Variants in FSTL4 observed in about 807,000 individuals in gnomAD.
FSTL4 encodes follistatin-related protein 4.
FSTL4 carries 28 observed loss-of-function variants against 78.2 expected under a neutral mutation model. The ratio of observed to expected loss-of-function variants is 0.36; its 90% CI spans 0.27 to 0.49. The LOEUF is 0.49. Among genes scored for constraint, FSTL4 ranks in the 20% least tolerant of loss-of-function variants. FSTL4 has a pLI of 0.98. For missense variants in FSTL4, 922 were observed against 1,084.9 expected, an observed-to-expected ratio of 0.85 and a Z score of 2.11; for synonymous variants, 422 against 440.5, an observed-to-expected ratio of 0.96 and a Z score of 0.53.
intron 6 of FSTL4, among the ~76,000 whole-genome samples, chr5:133,302,267 T>C (rs1753560751): frequency 6.6e-6 from 1 of 152,030 alleles, no homozygotes; most frequent in Admixed American, 6.5e-5. Flanking sequence ...TGCTCCTCCA[T>C]CCACGGGGAA....
chr5:133,323,527 C>A (rs1754124803), intron 4 of FSTL4, among the ~76,000 whole-genome samples: 1 of 152,264 alleles, frequency 6.6e-6, no homozygotes, highest in Non-Finnish European at 1.5e-5. Context: ...TCCCTCCTGA[C>A]CGCCAGTGCA....
intron 6 of FSTL4, among the ~76,000 whole-genome samples, chr5:133,250,684 T>C (rs1014714251): frequency 2.0e-5 from 3 of 152,302 alleles, no homozygotes. Context: ...CACACCCTCT[T>C]GCCCGTGTGT....
chr5:133,517,441 A>ATATATATATATATAT (rs1241999793), intron 3 of FSTL4, among the ~76,000 whole-genome samples: 1 of 30,124 alleles, frequency 3.3e-5, no homozygotes, highest in African/African-American at 1.6e-4. Context: ...AAAAAAAAAA[A>ATATATATATATATAT]AAAAAAATAT....
chr5:133,632,030 G>A, the FSTL4 span, among the ~76,000 whole-genome samples: 4 of 152,110 alleles, frequency 2.6e-5, no homozygotes, highest in African/African-American at 9.7e-5. Context: ...ATACCATTAG[G>A]AGAAATACCT....
chr5:133,288,087 A>G (rs1173126272), intron 6 of FSTL4, among the ~76,000 whole-genome samples: 1 of 152,390 alleles, frequency 6.6e-6, no homozygotes, highest in East Asian at 1.9e-4. Context: ...ACTACATATA[A>G]TATAAATGAT....
intron 3 of FSTL4, among the ~76,000 whole-genome samples, chr5:133,476,629 A>T (rs1404653237): frequency 6.6e-6 from 1 of 152,188 alleles, no homozygotes; most frequent in Non-Finnish European, 1.5e-5. Context: ...TCACACAGAA[A>T]AAAAGTGCAC....
intron 7 of FSTL4, chr5:133,248,248 GT>G (rs1752104836): frequency 6.6e-6 from 1 of 152,470 alleles, no homozygotes; most frequent in Admixed American, 6.5e-5. Context: ...CACAGCCCAG[GT>G]CAGCTCCCTT....
At chr5:133,434,770 T>TA (rs1160915489) in intron 3 of FSTL4, among the ~76,000 whole-genome samples, 3 of 152,202 alleles carry the variant, frequency 2.0e-5, no homozygotes, top group Non-Finnish European at 4.4e-5. Context: ...CTATCCTTGC[T>TA]AAAACTGAAT....
At chr5:133,397,172 G>A (rs1756079396) in intron 4 of FSTL4, among the ~76,000 whole-genome samples, 3 of 152,198 alleles carry the variant, frequency 2.0e-5, no homozygotes, top group Admixed American at 2.0e-4. Context: ...GAGTTTAAAA[G>A]TGCCAACTAA....
At chr5:133,302,409 G>A (rs1354531277) in intron 6 of FSTL4, among the ~76,000 whole-genome samples, 7 of 152,054 alleles carry the variant, frequency 4.6e-5, no homozygotes, top group South Asian at 2.1e-4. Context: ...ACAGGTCTTC[G>A]AAAAAGGGAA....
chr5:133,645,073 T>C, the FSTL4 span, among the ~76,000 whole-genome samples: 1 of 152,138 alleles, frequency 6.6e-6, no homozygotes, highest in African/African-American at 2.4e-5. Context: ...TTGGTTTTTT[T>C]CTTCACCTCT....
chr5:133,616,788 A>G (rs573419106), upstream of FSTL4, among the ~76,000 whole-genome samples: 10 of 152,268 alleles, frequency 6.6e-5, no homozygotes, highest in South Asian at 1.0e-3. Context: ...GAAGACAACT[A>G]TCCAACCTTC....
intron 3 of FSTL4, among the ~76,000 whole-genome samples, chr5:133,485,944 G>T (rs1758124479): frequency 6.6e-6 from 1 of 152,190 alleles, no homozygotes; most frequent in African/African-American, 2.4e-5. Context: ...ATTTTCTCCA[G>T]TTCGGGACTA....
the FSTL4 span, among the ~76,000 whole-genome samples, chr5:133,744,817 C>T: frequency 6.6e-6 from 1 of 152,180 alleles, no homozygotes; most frequent in African/African-American, 2.4e-5. Context: ...TTTAAAGATT[C>T]CACTTGGGTT....
At chr5:133,344,340 C>T (rs1754651755) in intron 4 of FSTL4, among the ~76,000 whole-genome samples, 1 of 152,172 alleles carries the variant, frequency 6.6e-6, no homozygotes, top group Non-Finnish European at 1.5e-5. Context: ...CATTCTGTAA[C>T]TATAAGTAAT....
chr5:133,394,299 C>T (rs924721588), intron 4 of FSTL4, among the ~76,000 whole-genome samples: 2 of 152,268 alleles, frequency 1.3e-5, no homozygotes, highest in Admixed American at 6.5e-5. Flanking sequence ...GGGAACCCCT[C>T]TCTGGGCTGG....
chr5:133,479,510 T>C (rs1028345940), intron 3 of FSTL4, among the ~76,000 whole-genome samples: 9 of 152,202 alleles, frequency 5.9e-5, no homozygotes, highest in Non-Finnish European at 1.3e-4. Flanking sequence ...TGATGGAATA[T>C]GATTCAGCAA....
At chr5:133,802,638 G>T in the FSTL4 span, among the ~76,000 whole-genome samples, 1 of 3,072 alleles carries the variant, frequency 3.3e-4, no homozygotes, top group Non-Finnish European at 0.016. Flanking sequence ...TTTGTTCTCT[G>T]CACAGAGCAC....
intron 4 of FSTL4, among the ~76,000 whole-genome samples, chr5:133,327,122 G>A (rs189473166): frequency 1.2e-3 from 179 of 152,310 alleles, no homozygotes; most frequent in African/African-American, 4.1e-3. Flanking sequence ...CCTGACCCTG[G>A]TCTTTCAACC....
Sources: gnomAD v4.1 joint callset for allele counts (sites outside exome capture counted in the v4.1 genomes callset) on GRCh38, gnomAD v4.1.1 for gene constraint, MANE v1.5 for transcripts, NCBI Gene and HGNC (gene_info 2026-07-23, HGNC 2026-07-21) for gene names.